The following KITLG variants were observed in gnomAD, a reference collection of about 807,000 sequenced individuals.
KITLG encodes KIT ligand.
A neutral mutation model predicts 34.1 loss-of-function variants in KITLG; 13 were observed. That is an observed-to-expected ratio of 0.38 (90% CI 0.25 to 0.61). The LOEUF is 0.61. Among genes scored for constraint, KITLG ranks in the 20% least tolerant of loss-of-function variants. The probability of loss-of-function intolerance (pLI) is 0.60; values close to 1 mark genes in which losing one functional copy is unlikely to be tolerated. For synonymous variants in KITLG, 110 were observed against 104.0 expected, an observed-to-expected ratio of 1.06 and a Z score of -0.35; for missense variants, 292 against 318.9, an observed-to-expected ratio of 0.92 and a Z score of 0.64.
intron 9 of KITLG, among the ~76,000 whole-genome samples, chr12:88,503,413 G>C (rs896082170): frequency 6.6e-6 from 1 of 152,080 alleles, no homozygotes; most frequent in African/African-American, 2.4e-5. Flanking sequence ...AGACTATCTA[G>C]GTAATAAAGA....
intron 5 of KITLG, among the ~76,000 whole-genome samples, 184 bp from the exon 6 acceptor site, chr12:88,515,801 CACCTTGTAG>C (rs1289374668): frequency 6.6e-6 from 1 of 151,646 alleles, no homozygotes; most frequent in East Asian, 1.9e-4. Flanking sequence ...CCACCATTAT[CACCTTGTAG>C]AACAAATACT....
intron 2 of KITLG, among the ~76,000 whole-genome samples, chr12:88,540,364 C>G (rs2120899595): frequency 6.6e-6 from 1 of 152,212 alleles, no homozygotes; most frequent in South Asian, 2.1e-4. Flanking sequence ...AATCAGATTA[C>G]TAAATACCAC....
At chr12:88,535,993 G>A (rs183844593) in intron 2 of KITLG, among the ~76,000 whole-genome samples, 1 of 152,134 alleles carries the variant, frequency 6.6e-6, no homozygotes, top group Admixed American at 6.6e-5. Context: ...TGGCCTTGGG[G>A]AATAATTTAT....
intron 3 of KITLG, among the ~76,000 whole-genome samples, chr12:88,519,095 C>T (rs1233980015): frequency 6.6e-6 from 1 of 152,094 alleles, no homozygotes; most frequent in Admixed American, 6.6e-5. Context: ...TTCCTGACCT[C>T]AAATGATCCA....
intron 1 of KITLG, among the ~76,000 whole-genome samples, chr12:88,555,588 T>G (rs1367867651): frequency 6.6e-6 from 1 of 152,180 alleles, no homozygotes; most frequent in Non-Finnish European, 1.5e-5. Context: ...TCTCTTTAAC[T>G]CAATCAGTTT....
chr12:88,568,241 A>G lies in KITLG; in HGVS notation c.15+12023T>C, dbSNP rs1275915952. Among the ~76,000 whole-genome samples the G allele has an allele frequency of 2.6e-5, 4 of 151,998 alleles. 1 individual carries two copies. ...TAAAGCTTACAGATACAATTTATTG[A>G]GCATCACTTCTGGGTCAGACAATTT... On this transcript the variant is annotated intron_variant, in intron 1 of 9. Coordinates refer to ENST00000644744, the MANE Select transcript of KITLG (RefSeq NM_000899.5).
chr12:88,547,398 A>T (rs1250438896), intron 1 of KITLG, among the ~76,000 whole-genome samples: 1 of 152,180 alleles, frequency 6.6e-6, no homozygotes, highest in Non-Finnish European at 1.5e-5. Flanking sequence ...AATCCTGCAT[A>T]ATTTTATTTA....
intron 9 of KITLG, among the ~76,000 whole-genome samples, chr12:88,497,845 A>G (rs1376272348): frequency 6.6e-6 from 1 of 152,184 alleles, no homozygotes; most frequent in Non-Finnish European, 1.5e-5. Flanking sequence ...GGTTCTAGCA[A>G]TCATTTCTTC....
At chr12:88,572,883 G>C (rs1484278011) in intron 1 of KITLG, among the ~76,000 whole-genome samples, 1 of 152,070 alleles carries the variant, frequency 6.6e-6, no homozygotes, top group Non-Finnish European at 1.5e-5. Context: ...AATGTGCTAA[G>C]GTCAGTCCTC....
intron 2 of KITLG, among the ~76,000 whole-genome samples, chr12:88,541,727 G>A (rs1439612735): frequency 6.6e-6 from 1 of 152,110 alleles, no homozygotes; most frequent in African/African-American, 2.4e-5. Flanking sequence ...GTAAATAGAT[G>A]AACTATTATG....
rs1375927793 is a variant in KITLG, at chr12:88,494,304, A to C, written c.*2915T>G. The C allele has an allele frequency of 6.6e-6, 1 of 151,978 alleles. No homozygotes were observed. The highest frequency in any genetic ancestry group is 1.5e-5 in the Non-Finnish European group (1 of 67,880). The allele number at this position is 151,978 out of a possible 1,614,324, so 9.4% of individuals were successfully genotyped here. ...GAAATGAAAACTTGGCTGCAGTAAA[A>C]TATTTTTAAAATCCATGATTTCTGA... On this transcript the variant is annotated 3_prime_UTR_variant, in exon 10 of 10. Coordinates refer to ENST00000644744, the MANE Select transcript of KITLG (RefSeq NM_000899.5).
At chr12:88,519,106 C>A (rs1869564894) in intron 3 of KITLG, among the ~76,000 whole-genome samples, 2 of 152,082 alleles carry the variant, frequency 1.3e-5, no homozygotes, top group Admixed American at 1.3e-4. Flanking sequence ...AAATGATCCA[C>A]CCGTCTCAGC....
At chr12:88,559,017 A>G (rs1167427077) in intron 1 of KITLG, among the ~76,000 whole-genome samples, 1 of 152,206 alleles carries the variant, frequency 6.6e-6, no homozygotes, top group East Asian at 1.9e-4. Flanking sequence ...AATCACCACT[A>G]AAGAACTTAC....
intron 3 of KITLG, among the ~76,000 whole-genome samples, chr12:88,522,927 G>C (rs779479756): frequency 2.6e-5 from 4 of 152,122 alleles, no homozygotes; most frequent in Non-Finnish European, 5.9e-5. Flanking sequence ...CTTTTCACAG[G>C]AGTTGGTGAA....
intron 1 of KITLG, among the ~76,000 whole-genome samples, chr12:88,557,462 C>A (rs970625601): frequency 6.6e-6 from 1 of 152,082 alleles, no homozygotes; most frequent in South Asian, 2.1e-4. Context: ...GGAAAAAAAT[C>A]CCCTACACAG....
intron 2 of KITLG, among the ~76,000 whole-genome samples, chr12:88,535,373 T>C (rs182469287): frequency 3.9e-5 from 6 of 152,312 alleles, no homozygotes; most frequent in African/African-American, 1.4e-4. Flanking sequence ...CTTTATAATT[T>C]AAAACAAGTT....
chr12:88,504,657 C>G (rs1868983422), intron 9 of KITLG, among the ~76,000 whole-genome samples: 1 of 152,152 alleles, frequency 6.6e-6, no homozygotes, highest in Non-Finnish European at 1.5e-5. Context: ...CACTTTTACA[C>G]TGTTGGTGGG....
Position 88,532,505 on chromosome 12 carries a change from T to G in KITLG, c.130-2A>C. Reference sequence around the variant, plus strand: ...GTAGTCTTTTGGAAGATTTGCCACCTACAGAGACAAAAAAAAAAATTCCAT... The same window carrying G: ...GTAGTCTTTTGGAAGATTTGCCACCGACAGAGACAAAAAAAAAAATTCCAT... On this transcript the variant is annotated splice_acceptor_variant, in intron 2 of 9. Transcript: ENST00000644744. LOFTEE classifies it high-confidence loss of function. 6.3e-7 allele frequency: 1 copy of G among 1,598,536 alleles called. No homozygotes were observed. Among genetic ancestry groups the G allele is most frequent in the Non-Finnish European group, 8.5e-7 (1 of 1,171,482 alleles).
intron 2 of KITLG, among the ~76,000 whole-genome samples, chr12:88,539,505 T>A (rs981642212): frequency 3.3e-5 from 5 of 152,114 alleles, no homozygotes; most frequent in Non-Finnish European, 7.4e-5. Flanking sequence ...GCTTTTTGCT[T>A]CTTTGTTTCT....
Sources: gnomAD v4.1 joint callset for allele counts (sites outside exome capture counted in the v4.1 genomes callset) on GRCh38, gnomAD v4.1.1 for gene constraint, MANE v1.5 for transcripts, NCBI Gene and HGNC (gene_info 2026-07-23, HGNC 2026-07-21) for gene names.